ZRANB3: variants seen among roughly 807,000 people sequenced by gnomAD.
ZRANB3 encodes DNA annealing helicase and endonuclease ZRANB3.
In ZRANB3, 125 loss-of-function variants were observed where a neutral mutation model predicts 133.8. The observed-to-expected ratio is 0.93, with a 90% confidence interval of 0.81 to 1.08. The LOEUF (loss-of-function observed/expected upper bound fraction) is 1.08, where lower values mean the gene tolerates loss of function less well. ZRANB3 is among the 50% of genes least tolerant of loss of function. The pLI, the probability that ZRANB3 is intolerant of heterozygous loss-of-function variation, is 0.00. For missense variants in ZRANB3, 1,229 were observed against 1,275.5 expected (o/e 0.96, Z 0.56); for synonymous variants, 387 against 432.7 (o/e 0.89, Z 1.31).
chr2:135,409,286 C>T (rs983756763), intron 2 of ZRANB3, among the ~76,000 whole-genome samples: 1 of 152,226 alleles, frequency 6.6e-6, no homozygotes, highest in South Asian at 2.1e-4. Context: ...ACATCTCCCA[C>T]CAGGCCTTAA....
Position 135,281,277 on chromosome 2 carries a change from C to T in ZRANB3, c.967-5522G>A, listed in dbSNP as rs1195160482. On this transcript the variant is annotated intron_variant, in intron 8 of 20. Transcript: ENST00000264159. ...GAGTGTGAGCACAAAGGAAGCTTCC[C>T]TTTAAGTCCTGAAGTCCTCAGAACC... Among the ~76,000 whole-genome samples the T allele has an allele frequency of 3.9e-5, 6 of 152,204 alleles. No individual in the cohort carries two copies. The East Asian group carries it at 9.7e-4, about 24-fold the overall frequency.
intron 2 of ZRANB3, among the ~76,000 whole-genome samples, chr2:135,450,319 G>A (rs916680373): frequency 1.3e-5 from 2 of 150,090 alleles, no homozygotes; most frequent in South Asian, 2.1e-4. Flanking sequence ...AGAATAACTC[G>A]CTTATTGAGA....
At chr2:135,339,306 G>A (rs560172476) in intron 6 of ZRANB3, among the ~76,000 whole-genome samples, 1 of 152,242 alleles carries the variant, frequency 6.6e-6, no homozygotes, top group East Asian at 1.9e-4. Context: ...AGCTACTTGG[G>A]AGGCTGAGGC....
chr2:135,507,869 T>C (rs953201875), intron 1 of ZRANB3, among the ~76,000 whole-genome samples: 56 of 152,016 alleles, frequency 3.7e-4, no homozygotes, highest in African/African-American at 1.3e-3. Flanking sequence ...GAGGACTGCT[T>C]GAGCCCAGGA....
intron 6 of ZRANB3, among the ~76,000 whole-genome samples, chr2:135,321,553 A>G (rs975082078): frequency 6.6e-6 from 1 of 151,044 alleles, no homozygotes; most frequent in Non-Finnish European, 1.5e-5. Context: ...AGTTCACTGC[A>G]ATCTCCACCT....
intron 2 of ZRANB3, among the ~76,000 whole-genome samples, chr2:135,447,386 T>C (rs1289458509): frequency 1.3e-5 from 2 of 152,198 alleles, no homozygotes; most frequent in Non-Finnish European, 2.9e-5. Flanking sequence ...TTTTGATTTA[T>C]AAGAGCTCTT....
At chr2:135,321,908 T>C (rs1683544813) in intron 6 of ZRANB3, among the ~76,000 whole-genome samples, 1 of 152,170 alleles carries the variant, frequency 6.6e-6, no homozygotes, top group Admixed American at 6.5e-5. Context: ...CTTAACAGTG[T>C]TGGGGAGAGA....
At chr2:135,487,096 G>C (rs536740843) in intron 2 of ZRANB3, among the ~76,000 whole-genome samples, 2 of 152,330 alleles carry the variant, frequency 1.3e-5, no homozygotes, top group South Asian at 4.1e-4. Flanking sequence ...AATGGATGCT[G>C]TGTTACCAGG....
At chr2:135,220,858 ATTT>A (rs1188098230) in intron 15 of ZRANB3, among the ~76,000 whole-genome samples, 2 of 140,630 alleles carry the variant, frequency 1.4e-5, no homozygotes, top group Admixed American at 7.2e-5. Context: ...CTAGGAATTT[ATTT>A]TTTTTTTTTT....
chr2:135,360,444 T>A lies in ZRANB3; in HGVS notation c.181-6816A>T, dbSNP rs141974748. ...AACTTTGGCTGGGCACGGTGGCTCA[T>A]GCCTGTATCCCAGCACTTTGGGAGG... On this transcript the variant is annotated intron_variant, in intron 3 of 20. Transcript: ENST00000264159. Among the ~76,000 whole-genome samples the A allele has an allele frequency of 3.3e-4, 50 of 151,554 alleles. 1 individual carries two copies. The highest frequency in any genetic ancestry group is 7.2e-4 in the Admixed American group (11 of 15,228).
At chr2:135,285,510 A>G (rs186664538) in intron 8 of ZRANB3, among the ~76,000 whole-genome samples, 118 of 152,338 alleles carry the variant, frequency 7.7e-4, no homozygotes, top group African/African-American at 2.8e-3. Context: ...CAGTGGCCTC[A>G]TTATACCTCA....
chr2:135,245,947 A>AAAAAAAAAG (rs1553461041), intron 12 of ZRANB3, among the ~76,000 whole-genome samples: 7 of 145,450 alleles, frequency 4.8e-5, no homozygotes, highest in African/African-American at 1.8e-4. Context: ...AAAAAAAAAA[A>AAAAAAAAAG]AGAGACAGGG....
intron 2 of ZRANB3, among the ~76,000 whole-genome samples, chr2:135,459,579 C>A (rs546288207): frequency 8.5e-5 from 13 of 152,170 alleles, no homozygotes; most frequent in African/African-American, 3.1e-4. Flanking sequence ...TTTTTTAAAG[C>A]AATTGTGTAT....
At chr2:135,229,495 G>A (rs1190420541) in intron 13 of ZRANB3, among the ~76,000 whole-genome samples, 2 of 151,414 alleles carry the variant, frequency 1.3e-5, no homozygotes, top group African/African-American at 4.9e-5. Flanking sequence ...AGCCTCCCGA[G>A]TAGCTGGGAC....
intron 20 of ZRANB3, among the ~76,000 whole-genome samples, chr2:135,202,145 T>C (rs2105031766): frequency 6.6e-6 from 1 of 152,338 alleles, no homozygotes; most frequent in Middle Eastern, 3.4e-3. Context: ...TATTATGCAG[T>C]CATTTTAGAT....
At chr2:135,310,492 T>C (rs1214124601) in intron 8 of ZRANB3, among the ~76,000 whole-genome samples, 1 of 152,130 alleles carries the variant, frequency 6.6e-6, no homozygotes, top group African/African-American at 2.4e-5. Context: ...TACCTTTATT[T>C]TGTAGCATAT....
At chr2:135,334,066 C>G (rs909921259) in intron 6 of ZRANB3, among the ~76,000 whole-genome samples, 14 of 152,218 alleles carry the variant, frequency 9.2e-5, no homozygotes, top group Middle Eastern at 3.4e-3. Context: ...TCTTTTAGTT[C>G]TAGAATATTC....
intron 2 of ZRANB3, among the ~76,000 whole-genome samples, chr2:135,460,726 CA>C (rs1690726292): frequency 6.6e-6 from 1 of 152,136 alleles, no homozygotes; most frequent in Non-Finnish European, 1.5e-5. Flanking sequence ...CGTATTTTCT[CA>C]AAGGCAGTAG....
chr2:135,463,713 A>C (rs942665065), intron 2 of ZRANB3, among the ~76,000 whole-genome samples: 4 of 152,140 alleles, frequency 2.6e-5, no homozygotes, highest in Non-Finnish European at 5.9e-5. Context: ...CACCACACCC[A>C]GTCACCTTTA....
Sources: allele counts gnomAD v4.1 joint callset (sites outside exome capture counted in the v4.1 genomes callset), GRCh38; gene constraint gnomAD v4.1.1; transcripts MANE v1.5; gene names NCBI Gene and HGNC (gene_info 2026-07-23, HGNC 2026-07-21).